ADAM23: variants seen among roughly 807,000 people sequenced by gnomAD.
ADAM23 encodes the protein ADAM metallopeptidase domain 23, also known as disintegrin and metalloproteinase domain-containing protein 23.
A neutral mutation model predicts 120.1 loss-of-function variants in ADAM23; 33 were observed. That is an observed-to-expected ratio of 0.27 (90% CI 0.21 to 0.37). The LOEUF (loss-of-function observed/expected upper bound fraction) is 0.37. Among genes scored for constraint, ADAM23 ranks in the 10% least tolerant of loss-of-function variants. The probability of loss-of-function intolerance (pLI) is 1.00; values close to 1 mark genes in which losing one functional copy is unlikely to be tolerated. For missense variants in ADAM23, 862 were observed against 1,058.2 expected (o/e 0.81, Z 2.57); for synonymous variants, 367 against 375.2 (o/e 0.98, Z 0.25).
chr2:206,580,843 C>G (rs1264703801), intron 18 of ADAM23, among the ~76,000 whole-genome samples: 1 of 152,132 alleles, frequency 6.6e-6, no homozygotes, highest in African/African-American at 2.4e-5. Flanking sequence ...CCATCTGGTC[C>G]TAGACCTTTT....
chr2:206,564,999 T>G, intron 13 of ADAM23, 21 bp from the exon 14 acceptor site: 1 of 1,612,848 alleles, frequency 6.2e-7, no homozygotes, highest in Non-Finnish European at 8.5e-7. Flanking sequence ...TTCTGTTGCT[T>G]TTATTGTTTT....
At chr2:206,465,711 T>G (rs2105863815) in intron 2 of ADAM23, among the ~76,000 whole-genome samples, 1 of 152,312 alleles carries the variant, frequency 6.6e-6, no homozygotes, top group South Asian at 2.1e-4. Flanking sequence ...CTGTTTGTTT[T>G]TTATTCTTTG....
chr2:206,475,646 G>A (rs1695760087), intron 2 of ADAM23, among the ~76,000 whole-genome samples: 1 of 151,834 alleles, frequency 6.6e-6, no homozygotes, highest in Non-Finnish European at 1.5e-5. Context: ...CTTGTTCTCA[G>A]CAGCTCAACC....
intron 3 of ADAM23, among the ~76,000 whole-genome samples, chr2:206,507,338 C>A (rs1696515958): frequency 6.6e-6 from 1 of 151,958 alleles, no homozygotes; most frequent in Non-Finnish European, 1.5e-5. Flanking sequence ...CACTGTATCC[C>A]CCTGGGTACT....
chr2:206,502,282 A>G (rs996386993), intron 3 of ADAM23, among the ~76,000 whole-genome samples: 1 of 152,138 alleles, frequency 6.6e-6, no homozygotes, highest in Non-Finnish European at 1.5e-5. Context: ...GATTTTACCT[A>G]AAAACATTTT....
At chr2:206,601,836 C>T (rs10490745) in intron 24 of ADAM23, among the ~76,000 whole-genome samples, 21,328 of 149,584 alleles carry the variant, frequency 0.14, 1,853 homozygotes, top group African/African-American at 0.23. Context: ...CAATAGTAAA[C>T]AGAAAGTGAA....
intron 24 of ADAM23, chr2:206,606,378 AG>A (rs1420343103): frequency 6.6e-6 from 1 of 152,244 alleles, no homozygotes; most frequent in Non-Finnish European, 1.5e-5. Context: ...ATGATATAGG[AG>A]GCTGCAGCTT....
intron 3 of ADAM23, among the ~76,000 whole-genome samples, chr2:206,499,419 C>T (rs1339071666): frequency 6.8e-6 from 1 of 146,288 alleles, no homozygotes; most frequent in Non-Finnish European, 1.5e-5. Flanking sequence ...TGCATGTTCT[C>T]ACTCATAGGT....
intron 2 of ADAM23, among the ~76,000 whole-genome samples, chr2:206,469,378 A>T (rs982798535): frequency 3.0e-4 from 45 of 152,036 alleles, no homozygotes; most frequent in African/African-American, 1.0e-3. Context: ...ATCCATGTCT[A>T]CTCTGTAAGT....
intron 3 of ADAM23, among the ~76,000 whole-genome samples, chr2:206,522,708 T>A (rs1431000921): frequency 6.6e-6 from 1 of 152,192 alleles, no homozygotes. Flanking sequence ...CATTCATTAT[T>A]AGCTTTGAAA....
chr2:206,550,040 C>A, intron 8 of ADAM23, 55 bp from the exon 9 acceptor site: 1 of 1,119,868 alleles, frequency 8.9e-7, no homozygotes, highest in South Asian at 1.5e-5. Flanking sequence ...ACAGTGAGCA[C>A]TAGAGAGATT....
chr2:206,551,598 C>T (rs17271603), intron 9 of ADAM23, among the ~76,000 whole-genome samples: 7,763 of 152,032 alleles, frequency 0.051, 291 homozygotes, highest in Middle Eastern at 0.11. Flanking sequence ...TTTAAGGAAA[C>T]CAAAATTAGA....
chr2:206,551,564 ATTATCT>A (rs1697526946), intron 9 of ADAM23, among the ~76,000 whole-genome samples: 1 of 152,332 alleles, frequency 6.6e-6, no homozygotes, highest in South Asian at 2.1e-4. Flanking sequence ...TTGCTTTGGA[ATTATCT>A]TTAAGTCTTT....
At chr2:206,444,689 T>C (rs1286297859) in intron 1 of ADAM23, among the ~76,000 whole-genome samples, 1 of 152,246 alleles carries the variant, frequency 6.6e-6, no homozygotes, top group Non-Finnish European at 1.5e-5. Context: ...AGCAGAAAGC[T>C]GGCTTTGTCA....
chr2:206,525,915 C>G (rs1454744478), intron 3 of ADAM23, among the ~76,000 whole-genome samples: 2 of 152,012 alleles, frequency 1.3e-5, no homozygotes, highest in Admixed American at 6.6e-5. Flanking sequence ...GTAAGGGGTT[C>G]AAGTTATTTT....
intron 3 of ADAM23, among the ~76,000 whole-genome samples, chr2:206,530,439 A>G (rs762071471): frequency 6.6e-6 from 1 of 152,164 alleles, no homozygotes; most frequent in Non-Finnish European, 1.5e-5. Flanking sequence ...TGGAATTTTT[A>G]TAGGATCTGT....
intron 22 of ADAM23, 96 bp downstream of exon 22, chr2:206,592,832 A>G: frequency 2.1e-6 from 3 of 1,417,082 alleles, no homozygotes; most frequent in Non-Finnish European, 2.9e-6. Flanking sequence ...AGATTTTTCT[A>G]GTTTTTACAA....
At chr2:206,587,944 T>C in intron 19 of ADAM23, 147 bp from the exon 20 acceptor site, 1 of 720,876 alleles carries the variant, frequency 1.4e-6, no homozygotes, top group Non-Finnish European at 2.3e-6. Context: ...TCTTGAGATA[T>C]TTGTGATCCT....
At chr2:206,562,174 TC>T in intron 12 of ADAM23, 28 bp from the exon 13 acceptor site, 2 of 1,585,410 alleles carry the variant, frequency 1.3e-6, no homozygotes, top group Non-Finnish European at 1.7e-6. Context: ...CTCAAATGTC[TC>T]CCACACACTT....
Sources: allele counts gnomAD v4.1 joint callset (sites outside exome capture counted in the v4.1 genomes callset), GRCh38; gene constraint gnomAD v4.1.1; transcripts MANE v1.5; gene names NCBI Gene and HGNC (gene_info 2026-07-23, HGNC 2026-07-21).